The following STAC variants were observed in gnomAD, a reference collection of about 807,000 sequenced individuals.
STAC encodes the protein SH3 and cysteine rich domain, also known as SH3 and cysteine-rich domain-containing protein.
STAC carries 43 observed loss-of-function variants against 48.8 expected under a neutral mutation model. That is an observed-to-expected ratio of 0.88 (90% confidence interval 0.69 to 1.14). The LOEUF (loss-of-function observed/expected upper bound fraction) is 1.14. STAC is among the 50% of genes most tolerant of loss of function. The probability of loss-of-function intolerance (pLI) is 0.00; values close to 1 mark genes in which losing one functional copy is unlikely to be tolerated. For missense variants in STAC, 497 were observed against 504.0 expected, an observed-to-expected ratio of 0.99 and a Z score of 0.13; for synonymous variants, 193 against 179.5, an observed-to-expected ratio of 1.07 and a Z score of -0.60.
At chr3:36,486,285 T>C (rs1294142630) in intron 5 of STAC, 36 bp downstream of exon 5, 2 of 1,592,128 alleles carry the variant, frequency 1.3e-6, no homozygotes, top group African/African-American at 1.3e-5. Context: ...TTGTCTGTGG[T>C]GGTCTTGGGC....
chr3:36,437,568 A>G (rs1013345252), intron 1 of STAC, among the ~76,000 whole-genome samples: 3 of 142,540 alleles, frequency 2.1e-5, no homozygotes, highest in Non-Finnish European at 4.5e-5. Flanking sequence ...ATAGGTGGGA[A>G]TTGAACAATG....
In STAC at chr3:36,406,568, G is replaced by A. The variant is rs945265010; in HGVS notation, c.111+25814G>A. ...GGCTGTGCACCACAGCTCCCGCTGC[G>A]TGACCGTTCTCTGCACTTACCAGCA... On this transcript the variant is annotated intron_variant, in intron 1 of 10. Transcript: ENST00000273183. Among the ~76,000 whole-genome samples the A allele has an allele frequency of 5.3e-5, 8 of 152,178 alleles. No individual in the cohort carries two copies. The South Asian group carries it at 8.3e-4, about 16-fold the overall frequency.
At chr3:36,453,612 G>A (rs192878108) in intron 2 of STAC, among the ~76,000 whole-genome samples, 3,129 of 150,866 alleles carry the variant, frequency 0.021, 748 homozygotes, top group African/African-American at 0.071. Context: ...TGTGCGGCTG[G>A]AGCCTCCCTG....
intron 5 of STAC, 68 bp downstream of exon 5, chr3:36,486,317 A>C (rs1697814346): frequency 7.4e-7 from 1 of 1,355,420 alleles, no homozygotes; most frequent in Admixed American, 1.9e-5. Context: ...CAGGCACTGC[A>C]GTATGGGGTA....
At chr3:36,420,255 T>C (rs557913283) in intron 1 of STAC, among the ~76,000 whole-genome samples, 3 of 152,324 alleles carry the variant, frequency 2.0e-5, no homozygotes, top group African/African-American at 7.2e-5. Context: ...ATCTGGCACA[T>C]AGAAAGACTC....
intron 2 of STAC, among the ~76,000 whole-genome samples, chr3:36,445,563 A>T (rs1383413453): frequency 6.6e-6 from 1 of 152,122 alleles, no homozygotes; most frequent in East Asian, 1.9e-4. Context: ...TAACTTCCTA[A>T]AACAATAAAT....
chr3:36,487,765 C>T (rs1346366382), intron 5 of STAC, among the ~76,000 whole-genome samples: 2 of 152,142 alleles, frequency 1.3e-5, no homozygotes, highest in Non-Finnish European at 2.9e-5. Flanking sequence ...TGAAGCATTT[C>T]ATAGTAAAGA....
chr3:36,421,995 AT>A (rs1700462006), intron 1 of STAC, among the ~76,000 whole-genome samples: 1 of 152,158 alleles, frequency 6.6e-6, no homozygotes, highest in African/African-American at 2.4e-5. Flanking sequence ...TTTACTTTTT[AT>A]TCCAATAGTA....
At chr3:36,437,931 GTTA>G (rs146079093) in intron 1 of STAC, among the ~76,000 whole-genome samples, 24,552 of 140,418 alleles carry the variant, frequency 0.17, 2,256 homozygotes, top group African/African-American at 0.24. Context: ...TATTCATTGA[GTTA>G]TTATTATTAT....
rs938223149 is a variant in STAC, at chr3:36,536,866, C to G, written c.1110+7881C>G. ...AAAACAAAAAACAAAAAAAAAAAAA[C>G]CCCAATAAAAAGTGGGCAAAGGACA... On this transcript the variant is annotated intron_variant, in intron 10 of 10. Transcript: ENST00000273183. Among the ~76,000 whole-genome samples, 4 of 150,788 alleles carry G rather than the reference C, an allele frequency of 2.7e-5. 1 individual carries two copies. Among genetic ancestry groups the G allele is most frequent in the African/African-American group, 9.7e-5 (4 of 41,096 alleles).
intron 1 of STAC, among the ~76,000 whole-genome samples, chr3:36,433,963 C>T (rs1700766838): frequency 1.3e-5 from 2 of 152,160 alleles, no homozygotes; most frequent in African/African-American, 4.8e-5. Flanking sequence ...AAATCAGTAC[C>T]TGGAATGTAT....
chr3:36,466,986 T>C (rs1296823656), intron 2 of STAC, among the ~76,000 whole-genome samples: 1 of 152,096 alleles, frequency 6.6e-6, no homozygotes, highest in African/African-American at 2.4e-5. Flanking sequence ...CTGTGTGTCA[T>C]AAATGGCTTT....
rs966562086 is a variant in STAC at position 36,450,613 on chromosome 3, C to T, written c.388+6973C>T. On this transcript the variant is annotated intron_variant, in intron 2 of 10. Coordinates refer to ENST00000273183, the MANE Select transcript of STAC (RefSeq NM_003149.3). ...CAATCTTGGCTCACTGCAACCTCCACCTTCCAGGTTCAAGCGATTCTCCTG... is the reference window on the plus strand; with the variant it reads ...CAATCTTGGCTCACTGCAACCTCCATCTTCCAGGTTCAAGCGATTCTCCTG... Among the ~76,000 whole-genome samples the T allele has an allele frequency of 3.3e-5, 5 of 152,342 alleles. 1 individual carries two copies. Among genetic ancestry groups the T allele is most frequent in the Non-Finnish European group, 1.5e-5 (1 of 68,038 alleles).
At chr3:36,445,982 G>T (rs1352309051) in intron 2 of STAC, among the ~76,000 whole-genome samples, 1 of 152,172 alleles carries the variant, frequency 6.6e-6, no homozygotes, top group Non-Finnish European at 1.5e-5. Context: ...AGATGGAAAG[G>T]CCACACCCTT....
chr3:36,448,184 T>TTTTAC (rs569345790), intron 2 of STAC, among the ~76,000 whole-genome samples: 1 of 82,164 alleles, frequency 1.2e-5, no homozygotes, highest in African/African-American at 4.1e-5. Context: ...TTTTATTTTA[T>TTTTAC]TTTACTTTAT....
chr3:36,454,499 G>A (rs184284951), intron 2 of STAC, among the ~76,000 whole-genome samples: 111 of 152,234 alleles, frequency 7.3e-4, no homozygotes, highest in African/African-American at 2.4e-3. Context: ...GCGAGGGTCC[G>A]AGGCTTCATT....
intron 1 of STAC, among the ~76,000 whole-genome samples, chr3:36,430,381 A>C (rs1700671522): frequency 6.6e-6 from 1 of 152,342 alleles, no homozygotes; most frequent in African/African-American, 2.4e-5. Flanking sequence ...AGGGCATTAG[A>C]AGCAATATTG....
chr3:36,410,586 G>A (rs916937059), intron 1 of STAC, among the ~76,000 whole-genome samples: 26 of 152,148 alleles, frequency 1.7e-4, no homozygotes, highest in African/African-American at 5.1e-4. Flanking sequence ...ATTTATATGC[G>A]TGTTTGGATA....
intron 2 of STAC, among the ~76,000 whole-genome samples, chr3:36,470,452 C>T (rs971870115): frequency 6.6e-5 from 10 of 152,220 alleles, no homozygotes; most frequent in Non-Finnish European, 8.8e-5. Flanking sequence ...ATTCCAGCAC[C>T]GGCTCCAGTG....
Sources: allele counts gnomAD v4.1 joint callset (sites outside exome capture counted in the v4.1 genomes callset), GRCh38; gene constraint gnomAD v4.1.1; transcripts MANE v1.5; gene names NCBI Gene and HGNC (gene_info 2026-07-23, HGNC 2026-07-21).